Variants in HERC5 observed in about 807,000 individuals in gnomAD.
The protein encoded by HERC5 is E3 ISG15--protein ligase HERC5.
HERC5 carries 99 observed loss-of-function variants against 119.6 expected under a neutral mutation model. That is an observed-to-expected ratio of 0.83 (90% CI 0.70 to 0.98). HERC5 has a LOEUF of 0.98. HERC5 is among the 50% of genes least tolerant of loss of function. The pLI, the probability that HERC5 is intolerant of heterozygous loss-of-function variation, is 0.00. For synonymous variants in HERC5, 478 were observed against 445.9 expected (o/e 1.07, Z -0.91); for missense variants, 1,267 against 1,241.3 (o/e 1.02, Z -0.31).
chr4:88,468,418 AAG>A lies in HERC5; in HGVS notation c.1133_1134del (p.Asn379PhefsTer4). ...CAAAGCATTTTGCTCTGGATAAAGAAAGAGGTAAAAATAGATCTCCAGGTGTT... is the reference window on the plus strand; with the variant it reads ...CAAAGCATTTTGCTCTGGATAAAGAAAGGTAAAAATAGATCTCCAGGTGTT... On this transcript the variant is annotated frameshift_variant and splice_region_variant, in exon 8 of 23. Transcript: ENST00000264350. LOFTEE classifies it high-confidence loss of function. 1.2e-6 allele frequency: 2 copies of A among 1,603,750 alleles called. No individual in the cohort carries two copies. The highest frequency in any genetic ancestry group is 1.7e-6 in the Non-Finnish European group (2 of 1,171,684).
Position 88,504,274 on chromosome 4 carries a change from C to T in HERC5, c.2625C>T (p.Asp875=). Residue 875 remains aspartate, a synonymous_variant, in exon 21 of 23, where the codon GAC becomes GAT. Coordinates refer to ENST00000264350, the MANE Select transcript of HERC5 (RefSeq NM_016323.4). The part of the protein sequence containing the change: ...VSKYINYIFN[D]SVKAVYEEFR... The stretch of plus-strand genomic sequence containing the variant: ...AGTATATCAATTACATTTTCAACGA[C>T]TCTGTAAAGGCGGTTTATGAAGAAT... The T allele has an allele frequency of 6.2e-7, 1 of 1,609,162 alleles. No individual in the cohort carries two copies. The highest frequency in any genetic ancestry group is 8.5e-7 in the Non-Finnish European group (1 of 1,176,680).
intron 22 of HERC5, among the ~76,000 whole-genome samples, chr4:88,505,298 TA>T (rs1742071878): frequency 6.6e-6 from 1 of 152,198 alleles, no homozygotes; most frequent in Non-Finnish European, 1.5e-5. Flanking sequence ...AGGTCCGGCA[TA>T]ATTCTGAACT....
chr4:88,486,256 A>G (rs769029912), intron 14 of HERC5, 28 bp downstream of exon 14: 2 of 1,328,800 alleles, frequency 1.5e-6, no homozygotes, highest in Non-Finnish European at 2.1e-6. Flanking sequence ...AAAGGGGGAA[A>G]TTGATAATCA....
intron 10 of HERC5, among the ~76,000 whole-genome samples, chr4:88,471,614 T>C (rs1740872219): frequency 1.3e-5 from 2 of 152,138 alleles, no homozygotes; most frequent in Non-Finnish European, 2.9e-5. Flanking sequence ...GTTGGGATTA[T>C]AGGTGTGAGC....
At chr4:88,492,747 AAAAAC>A (rs924368282) in intron 16 of HERC5, among the ~76,000 whole-genome samples, 2 of 152,148 alleles carry the variant, frequency 1.3e-5, no homozygotes, top group Admixed American at 6.5e-5. Flanking sequence ...CTCCATCTCA[AAAAAC>A]AAAACAAAAC....
chr4:88,457,155 T>A lies in HERC5; in HGVS notation c.-115T>A. ...CTGCGGTTCCCCGACGCCACGCAGC[T>A]GCGCGCAGCTGGTTCCCGCTCTGCA... On this transcript the variant is annotated 5_prime_UTR_variant, in exon 1 of 23. Coordinates refer to ENST00000264350, the MANE Select transcript of HERC5 (RefSeq NM_016323.4). The A allele has an allele frequency of 1.6e-6, 2 of 1,233,298 alleles. No individual in the cohort carries two copies. Among genetic ancestry groups the A allele is most frequent in the Non-Finnish European group, 2.0e-6 (2 of 988,184 alleles). 76.4% of individuals were successfully genotyped at this position (1,233,298 alleles called of 1,614,324 possible). A position where few individuals can be genotyped will look rare whatever the true frequency, so the allele number is the denominator to read the frequency against.
chr4:88,491,168 C>T (rs1741626716), intron 16 of HERC5, among the ~76,000 whole-genome samples: 1 of 152,086 alleles, frequency 6.6e-6, no homozygotes, highest in Admixed American at 6.5e-5. Flanking sequence ...GGTTTGACAC[C>T]TGGTCTTGCT....
At chr4:88,484,940 T>C (rs1430167370) in intron 13 of HERC5, among the ~76,000 whole-genome samples, 1 of 152,170 alleles carries the variant, frequency 6.6e-6, no homozygotes, top group Non-Finnish European at 1.5e-5. Flanking sequence ...TATTTCTAGG[T>C]GTTTTCAGTG....
At chr4:88,496,660 T>A (rs1741804553) in intron 18 of HERC5, among the ~76,000 whole-genome samples, 1 of 152,250 alleles carries the variant, frequency 6.6e-6, no homozygotes, top group Non-Finnish European at 1.5e-5. Flanking sequence ...ATGAAGGATT[T>A]AGATATTAAA....
intron 11 of HERC5, among the ~76,000 whole-genome samples, chr4:88,474,936 G>A (rs905081584): frequency 3.9e-5 from 6 of 152,102 alleles, no homozygotes; most frequent in African/African-American, 1.2e-4. Flanking sequence ...TGTGATCTAA[G>A]CACACATAAC....
intron 6 of HERC5, 66 bp from the exon 7 acceptor site, chr4:88,466,993 G>A: frequency 6.6e-7 from 1 of 1,512,604 alleles, no homozygotes; most frequent in Non-Finnish European, 9.1e-7. Flanking sequence ...GCAATTTACT[G>A]TATTGCTAAA....
chr4:88,488,377 G>A, intron 15 of HERC5, among the ~76,000 whole-genome samples: 1 of 151,616 alleles, frequency 6.6e-6, no homozygotes, highest in East Asian at 1.9e-4. Context: ...GATTACAGGT[G>A]CCCGCCGCCA....
chr4:88,466,303 A>G (rs747452750), intron 6 of HERC5, among the ~76,000 whole-genome samples: 2 of 152,084 alleles, frequency 1.3e-5, no homozygotes, highest in Non-Finnish European at 2.9e-5. Context: ...GCTGGTCTTA[A>G]ACTTCTGGGT....
intron 12 of HERC5, among the ~76,000 whole-genome samples, chr4:88,477,540 G>T (rs1227776514): frequency 2.0e-5 from 2 of 98,688 alleles, no homozygotes; most frequent in Admixed American, 1.0e-4. Flanking sequence ...GGAGGGGAAG[G>T]GGAAGTGGGG....
chr4:88,501,137 A>G lies in HERC5; in HGVS notation c.2582+152A>G. The G allele has an allele frequency of 1.2e-5, 7 of 569,832 alleles. No homozygotes were observed. The South Asian group carries it at 1.4e-4, about 12-fold the overall frequency. 35.3% of individuals were successfully genotyped at this position (569,832 alleles called of 1,614,324 possible). A position where few individuals can be genotyped will look rare whatever the true frequency, so the allele number is the denominator to read the frequency against. On this transcript the variant is annotated intron_variant, in intron 20 of 22. Coordinates refer to ENST00000264350, the MANE Select transcript of HERC5 (RefSeq NM_016323.4). ...TGGTGTGTGTTGTATGTGTTTTGAC[A>G]TATATATCATGGAGTTTATATTGTG...
chr4:88,462,462 C>G lies in HERC5; in HGVS notation c.688+106C>G, dbSNP rs537216510. 7.9e-4 allele frequency: 689 copies of G among 867,124 alleles called. 8 individuals are homozygous for G. The highest frequency in any genetic ancestry group is 2.5e-4 in the Non-Finnish European group (137 of 545,206). The allele number at this position is 867,124 out of a possible 1,614,324, so 53.7% of individuals were successfully genotyped here. A position where few individuals can be genotyped will look rare whatever the true frequency, so the allele number is the denominator to read the frequency against. ...GTTCAAATCTTCACTTTCATTTTCACTGCTCTTCCTGATTACCTCTCTGTC... is the reference window on the plus strand; with the variant it reads ...GTTCAAATCTTCACTTTCATTTTCAGTGCTCTTCCTGATTACCTCTCTGTC... On this transcript the variant is annotated intron_variant, in intron 4 of 22. Coordinates refer to ENST00000264350, the MANE Select transcript of HERC5 (RefSeq NM_016323.4).
intron 13 of HERC5, 34 bp from the exon 14 acceptor site, chr4:88,486,081 A>T: frequency 7.3e-7 from 1 of 1,364,424 alleles, no homozygotes; most frequent in Non-Finnish European, 1.0e-6. Context: ...GTCTTTAAAT[A>T]TAAAACTTTT....
chr4:88,473,331 A>C (rs1740942549), intron 11 of HERC5: 1 of 143,134 alleles, frequency 7.0e-6, no homozygotes, highest in South Asian at 2.3e-4. Flanking sequence ...CTCTAGCCTC[A>C]CCCCATTTTT....
intron 18 of HERC5, among the ~76,000 whole-genome samples, chr4:88,495,457 G>A (rs1329531128): frequency 6.6e-6 from 1 of 152,178 alleles, no homozygotes; most frequent in Non-Finnish European, 1.5e-5. Context: ...CACCTCAGAA[G>A]GCTGAGGCAG....
Sources: gnomAD v4.1 joint callset for allele counts (sites outside exome capture counted in the v4.1 genomes callset) on GRCh38, gnomAD v4.1.1 for gene constraint, MANE v1.5 for transcripts, NCBI Gene and HGNC (gene_info 2026-07-23, HGNC 2026-07-21) for gene names.